RGS22: variants seen among roughly 807,000 people sequenced by gnomAD.
RGS22 encodes the protein regulator of G-protein signaling 22.
Under a neutral mutation model 172.9 loss-of-function variants are expected in RGS22, and 148 were observed. That is an observed-to-expected ratio of 0.86 (90% CI 0.75 to 0.98). The LOEUF is 0.98. Ranked by LOEUF, RGS22 falls within the 50% of genes least tolerant of loss-of-function variation. The probability of loss-of-function intolerance (pLI) is 0.00; values close to 1 mark genes in which losing one functional copy is unlikely to be tolerated. For missense variants in RGS22, 1,347 were observed against 1,440.8 expected, an observed-to-expected ratio of 0.93 and a Z score of 1.05; for synonymous variants, 458 against 480.2, an observed-to-expected ratio of 0.95 and a Z score of 0.60.
rs773571316 is a variant in RGS22 at position 100,063,832 on chromosome 8, A to C, written c.936T>G (p.Cys312Trp). Residue 312 changes from cysteine (C) to tryptophan (W), a missense_variant, in exon 8 of 28, where the codon TGT becomes TGG. By Grantham distance (215) the Cys-to-Trp change is radical. Coordinates refer to ENST00000360863, the MANE Select transcript of RGS22 (RefSeq NM_015668.5). The part of the protein sequence containing the change: ...DESLTMHFST[C>W]EEFLSSYIYF... ...ATATATAGGAGCTTAAAAATTCTTC[A>C]CATGTTGAGAAATGCATTGTCAGGC... 25 of 1,609,984 alleles carry C rather than the reference A, an allele frequency of 1.6e-5. No individual in the cohort carries two copies. The Admixed American group carries it at 4.1e-4, about 26-fold the overall frequency.
intron 21 of RGS22, among the ~76,000 whole-genome samples, chr8:99,984,049 C>A (rs554461793): frequency 6.6e-6 from 1 of 152,010 alleles, no homozygotes; most frequent in African/African-American, 2.4e-5. Context: ...TTTGGGAGGC[C>A]GAGGTGGGCA....
intron 3 of RGS22, among the ~76,000 whole-genome samples, chr8:100,083,192 T>C (rs1285200392): frequency 7.2e-5 from 11 of 152,178 alleles, no homozygotes; most frequent in Non-Finnish European, 1.5e-4. Context: ...TGGGGTTGGC[T>C]GCTCACATTA....
chr8:100,088,123 C>T (rs1158622993), intron 3 of RGS22, among the ~76,000 whole-genome samples: 1 of 152,090 alleles, frequency 6.6e-6, no homozygotes, highest in African/African-American at 2.4e-5. Flanking sequence ...CCACAACAGT[C>T]CATCTAGCAT....
chr8:99,977,855 A>C, intron 23 of RGS22, 62 bp downstream of exon 23: 1 of 1,346,910 alleles, frequency 7.4e-7, no homozygotes, highest in Non-Finnish European at 1.0e-6. Flanking sequence ...ATTATTCTAT[A>C]ATTCACACAT....
At chr8:99,993,413 T>TA (rs1399732739) in intron 20 of RGS22, among the ~76,000 whole-genome samples, 1 of 151,690 alleles carries the variant, frequency 6.6e-6, no homozygotes, top group Non-Finnish European at 1.5e-5. Context: ...ATAGATGAAA[T>TA]AAAAAATGAT....
At chr8:100,031,637 T>A (rs1236182994) in intron 14 of RGS22, among the ~76,000 whole-genome samples, 2 of 152,078 alleles carry the variant, frequency 1.3e-5, no homozygotes, top group Non-Finnish European at 2.9e-5. Flanking sequence ...TTATTTTTAT[T>A]TAAATATCAT....
chr8:100,089,570 CCT>C (rs1483829207), intron 3 of RGS22, among the ~76,000 whole-genome samples: 1 of 152,056 alleles, frequency 6.6e-6, no homozygotes, highest in Non-Finnish European at 1.5e-5. Context: ...GCTAAGACTC[CCT>C]GAGTCTGGTT....
chr8:100,032,940 G>A (rs895173990), intron 14 of RGS22, among the ~76,000 whole-genome samples: 2 of 152,120 alleles, frequency 1.3e-5, no homozygotes, highest in African/African-American at 4.8e-5. Context: ...CGAAATGAAG[G>A]CAGAAATAAA....
chr8:99,977,663 C>T (rs546475784), intron 23 of RGS22, among the ~76,000 whole-genome samples: 8 of 152,138 alleles, frequency 5.3e-5, no homozygotes, highest in Non-Finnish European at 1.0e-4. Flanking sequence ...GGTGGAGGAA[C>T]GTTATTGCAG....
rs1285213375 is a variant in RGS22, at chr8:99,978,997, T to TA, written c.3361-923dup. On this transcript the variant is annotated intron_variant, in intron 22 of 27. Transcript: ENST00000360863. ...TTCCATACATGAATGCTATTAGTAATACTAAAATTATTCACTCCTTCTAAA... is the reference window on the plus strand; with the variant it reads ...TTCCATACATGAATGCTATTAGTAATAACTAAAATTATTCACTCCTTCTAAA... Among the ~76,000 whole-genome samples the TA allele has an allele frequency of 1.7e-4, 26 of 152,348 alleles. 1 individual carries two copies. The East Asian group carries it at 3.9e-3, about 23-fold the overall frequency.
At chr8:100,014,493 A>G (rs1207974364) in intron 14 of RGS22, among the ~76,000 whole-genome samples, 2 of 152,110 alleles carry the variant, frequency 1.3e-5, no homozygotes, top group Non-Finnish European at 2.9e-5. Context: ...AAAACCACAT[A>G]ATCGCCAATT....
At position 100,063,459 on chromosome 8, in the gene RGS22, T is replaced by C. The variant is rs1461873531; in HGVS notation, c.1309A>G (p.Ile437Val). ...TCCTTAAGAACTTTTAACCTCTCAATATCCATCCATAGCCACCAATATCTC... is the reference window on the plus strand; with the variant it reads ...TCCTTAAGAACTTTTAACCTCTCAACATCCATCCATAGCCACCAATATCTC... ...GERYWWLWMDIERLKVLKDPG... is the reference protein window; with the variant it reads ...GERYWWLWMDVERLKVLKDPG... The change falls in exon 8 of 28, where the codon ATT (isoleucine) becomes GTT (valine). Residue 437 changes from isoleucine to valine, a missense_variant. Coordinates refer to ENST00000360863, the MANE Select transcript of RGS22 (RefSeq NM_015668.5). The C allele has an allele frequency of 1.9e-6, 3 of 1,612,386 alleles. No individual in the cohort carries two copies. The highest frequency in any genetic ancestry group is 1.3e-5 in the African/African-American group (1 of 74,970).
chr8:99,980,362 A>C (rs1010525557), intron 22 of RGS22, among the ~76,000 whole-genome samples: 11 of 152,342 alleles, frequency 7.2e-5, no homozygotes, highest in Non-Finnish European at 1.6e-4. Flanking sequence ...ATACATTATG[A>C]GTCATGTTGC....
intron 4 of RGS22, among the ~76,000 whole-genome samples, 191 bp downstream of exon 4, chr8:100,079,943 T>C (rs1811624684): frequency 6.6e-6 from 1 of 152,170 alleles, no homozygotes; most frequent in South Asian, 2.1e-4. Flanking sequence ...CTTCTCAAAT[T>C]GATAAGTGAA....
chr8:100,063,872 T>A lies in RGS22; in HGVS notation c.896A>T (p.Gln299Leu), dbSNP rs1366112985. 6.2e-7 allele frequency: 1 copy of A among 1,611,824 alleles called. No individual in the cohort carries two copies. Among genetic ancestry groups the A allele is most frequent in the Non-Finnish European group, 8.5e-7 (1 of 1,179,040 alleles). ...ALLRVYLEKK[Q>L]DVDESLTMHF... is the part of the protein sequence containing the mutation. The stretch of plus-strand genomic sequence containing the variant: ...CATTGTCAGGCTTTCATCAACATCC[T>A]GTTTCTTTTCAAGGTATACTCTCAG... Residue 299 changes from glutamine to leucine, a missense_variant, in exon 8 of 28, where the codon CAG becomes CTG. By Grantham distance (113) the Gln-to-Leu change is moderately radical (BLOSUM62 -2). Coordinates refer to ENST00000360863, the MANE Select transcript of RGS22 (RefSeq NM_015668.5).
rs773942008 is a variant in RGS22, at chr8:100,003,910, T to C, written c.2627+16A>G. On this transcript the variant is annotated intron_variant, in intron 17 of 27. Transcript: ENST00000360863. Reference sequence around the variant, plus strand: ...AAAAATGTTTTCAGTGAGAAATATATGGTTATGTCCCTCACCTTGAAGAAT... The same window carrying C: ...AAAAATGTTTTCAGTGAGAAATATACGGTTATGTCCCTCACCTTGAAGAAT... 3.9e-6 allele frequency: 6 copies of C among 1,548,654 alleles called. No homozygotes were observed. The highest frequency in any genetic ancestry group is 3.5e-6 in the Non-Finnish European group (4 of 1,145,976).
In RGS22 at chr8:99,977,931, C is replaced by T. The variant is rs368573670; in HGVS notation, c.3505G>A (p.Glu1169Lys). 3.9e-5 allele frequency: 61 copies of T among 1,562,326 alleles called. No homozygotes were observed. Among genetic ancestry groups the T allele is most frequent in the Non-Finnish European group, 4.7e-5 (55 of 1,163,618 alleles). The change falls in exon 23 of 28, where the codon GAA (glutamate) becomes AAA (lysine). Residue 1169 changes from glutamate (E) to lysine (K), a missense_variant. Transcript: ENST00000360863. The stretch of plus-strand genomic sequence containing the variant: ...TCTTGTCTCACCTTTCCAGATTTTT[C>T]GTCTTCTAGGACTGCCAATTTTTTT... The part of the protein sequence containing the change: ...QKKKLAVLED[E>K]KSGKDGIKQY...
At chr8:100,034,311 T>C (rs1819192574) in intron 14 of RGS22, among the ~76,000 whole-genome samples, 1 of 152,158 alleles carries the variant, frequency 6.6e-6, no homozygotes, top group South Asian at 2.1e-4. Context: ...AGCATTCCTA[T>C]ACACCAACAA....
intron 2 of RGS22, among the ~76,000 whole-genome samples, chr8:100,100,367 G>A (rs1230996382): frequency 1.3e-5 from 2 of 148,416 alleles, no homozygotes; most frequent in Admixed American, 1.4e-4. Flanking sequence ...TGGGCTCACT[G>A]CAACCTCCAC....
Sources: allele counts gnomAD v4.1 joint callset (sites outside exome capture counted in the v4.1 genomes callset), GRCh38; gene constraint gnomAD v4.1.1; transcripts MANE v1.5; gene names NCBI Gene and HGNC (gene_info 2026-07-23, HGNC 2026-07-21).